Variants in TRPM3 observed in about 807,000 individuals in gnomAD.
The protein encoded by TRPM3 is long transient receptor potential channel 3.
Under a neutral mutation model 181.2 loss-of-function variants are expected in TRPM3, and 77 were observed. That is an observed-to-expected ratio of 0.42 (90% confidence interval 0.35 to 0.51). The LOEUF (loss-of-function observed/expected upper bound fraction) is 0.51. Among genes scored for constraint, TRPM3 ranks in the 20% least tolerant of loss-of-function variants. The probability of loss-of-function intolerance (pLI) is 0.01; values close to 1 mark genes in which losing one functional copy is unlikely to be tolerated. For synonymous variants in TRPM3, 745 were observed against 796.4 expected (o/e 0.94, Z 1.09); for missense variants, 1,759 against 2,196.7 (o/e 0.80, Z 3.98).
At position 71,021,687 on chromosome 9, in the gene TRPM3, A is replaced by C. The variant is rs980914707; in HGVS notation, c.177+99491T>G. On this transcript the variant is annotated intron_variant, in intron 1 of 25. Coordinates refer to ENST00000677713, the MANE Select transcript of TRPM3 (RefSeq NM_001366145.2). The stretch of plus-strand genomic sequence containing the variant: ...GGTATAAGACGAAATATTTGAGGTC[A>C]GATTTGGGGAAGCAGTAATGTCATA... 1.1e-4 allele frequency among the ~76,000 whole-genome samples: 16 copies of C among 152,306 alleles called. 1 individual carries two copies. The highest frequency in any genetic ancestry group is 3.8e-4 in the African/African-American group (16 of 41,586).
chr9:71,145,776 T>C (rs2075370496), intron 1 of TRPM3, among the ~76,000 whole-genome samples: 1 of 152,112 alleles, frequency 6.6e-6, no homozygotes, highest in Non-Finnish European at 1.5e-5. Flanking sequence ...GTAACTAAAA[T>C]TGTCTTTTAA....
intron 1 of TRPM3, among the ~76,000 whole-genome samples, chr9:71,256,326 G>A (rs951601426): frequency 6.6e-5 from 10 of 152,018 alleles, no homozygotes; most frequent in Admixed American, 3.3e-4. Flanking sequence ...TCTCGACAGT[G>A]GTGTGTTCAT....
chr9:71,270,551 T>A (rs978472038), intron 1 of TRPM3, among the ~76,000 whole-genome samples: 3 of 152,190 alleles, frequency 2.0e-5, no homozygotes, highest in Admixed American at 1.3e-4. Context: ...TAGAAACTGC[T>A]GCTTCCTTTA....
At chr9:71,029,586 A>C (rs1199266522) in intron 1 of TRPM3, among the ~76,000 whole-genome samples, 3 of 152,214 alleles carry the variant, frequency 2.0e-5, no homozygotes, top group Non-Finnish European at 4.4e-5. Context: ...AGGAAATACC[A>C]TGATAATGTA....
chr9:71,325,468 A>C (rs2132495434), intron 1 of TRPM3, among the ~76,000 whole-genome samples: 1 of 152,292 alleles, frequency 6.6e-6, no homozygotes, highest in Non-Finnish European at 1.5e-5. Context: ...AGGTGAAAAA[A>C]AAATTGAGGC....
At chr9:71,398,261 G>A (rs1407918889) in intron 1 of TRPM3, among the ~76,000 whole-genome samples, 1 of 152,092 alleles carries the variant, frequency 6.6e-6, no homozygotes, top group Non-Finnish European at 1.5e-5. Flanking sequence ...TCTTATCCCG[G>A]CTGCATATTT....
At chr9:71,013,365 A>G (rs973449540) in intron 1 of TRPM3, among the ~76,000 whole-genome samples, 5 of 152,036 alleles carry the variant, frequency 3.3e-5, no homozygotes, top group African/African-American at 2.4e-5. Context: ...AATTACATCT[A>G]TATATGAGAC....
At chr9:70,945,319 A>G (rs2096922434) in intron 1 of TRPM3, among the ~76,000 whole-genome samples, 1 of 152,232 alleles carries the variant, frequency 6.6e-6, no homozygotes, top group Non-Finnish European at 1.5e-5. Context: ...GCATACAGCC[A>G]GTCTCTTCTT....
intron 1 of TRPM3, among the ~76,000 whole-genome samples, chr9:71,242,962 G>T (rs548524742): frequency 6.6e-6 from 1 of 152,272 alleles, no homozygotes; most frequent in East Asian, 1.9e-4. Flanking sequence ...TGTAGCTGGG[G>T]TACATTGAAA....
chr9:71,110,381 A>G (rs988536993), intron 1 of TRPM3, among the ~76,000 whole-genome samples: 2 of 152,206 alleles, frequency 1.3e-5, no homozygotes, highest in African/African-American at 4.8e-5. Context: ...GACATTCGAC[A>G]ATTATATGTA....
intron 1 of TRPM3, among the ~76,000 whole-genome samples, chr9:71,267,423 C>T (rs927879685): frequency 6.6e-6 from 1 of 152,182 alleles, no homozygotes; most frequent in Non-Finnish European, 1.5e-5. Context: ...ATAGGGAGCA[C>T]TCAGCTCTGT....
chr9:71,278,804 G>C (rs924147060), intron 1 of TRPM3, among the ~76,000 whole-genome samples: 3 of 151,864 alleles, frequency 2.0e-5, no homozygotes, highest in African/African-American at 7.3e-5. Flanking sequence ...GACATATTGA[G>C]ATATCCATAT....
chr9:71,011,714 T>C (rs1475991248), intron 1 of TRPM3, among the ~76,000 whole-genome samples: 2 of 151,584 alleles, frequency 1.3e-5, no homozygotes, highest in African/African-American at 2.4e-5. Context: ...ATCTTGATTT[T>C]AAATAATAAT....
At chr9:71,247,867 A>C (rs1474776912) in intron 1 of TRPM3, among the ~76,000 whole-genome samples, 1 of 152,210 alleles carries the variant, frequency 6.6e-6, no homozygotes, top group East Asian at 1.9e-4. Context: ...CAGAGACTTA[A>C]ATTTATATTT....
At chr9:71,126,373 A>C (rs776511059), upstream of TRPM3, among the ~76,000 whole-genome samples, 1 of 152,198 alleles carries the variant, frequency 6.6e-6, no homozygotes, top group East Asian at 1.9e-4. Flanking sequence ...CATTTGTCTC[A>C]TGAACTTTAT....
intron 6 of TRPM3, among the ~76,000 whole-genome samples, chr9:70,821,979 T>C (rs1406866154): frequency 6.6e-6 from 1 of 152,222 alleles, no homozygotes; most frequent in African/African-American, 2.4e-5. Context: ...CCTAGTCTGT[T>C]CATTCTCCCA....
intron 6 of TRPM3, among the ~76,000 whole-genome samples, chr9:70,812,434 G>A (rs1049765088): frequency 2.0e-5 from 3 of 152,208 alleles, no homozygotes; most frequent in Non-Finnish European, 2.9e-5. Flanking sequence ...ATCACTTGAA[G>A]CACAGCCTCT....
intron 5 of TRPM3, among the ~76,000 whole-genome samples, chr9:70,836,579 C>T (rs1336210724): frequency 2.0e-5 from 3 of 152,144 alleles, no homozygotes; most frequent in Admixed American, 6.5e-5. Context: ...TGGCATTGCA[C>T]TTCACACTCT....
At chr9:71,228,965 G>C (rs1178613387) in intron 1 of TRPM3, among the ~76,000 whole-genome samples, 1 of 151,874 alleles carries the variant, frequency 6.6e-6, no homozygotes, top group African/African-American at 2.4e-5. Flanking sequence ...TAGAAAAAAA[G>C]ATCAAAAAAT....
Sources: allele counts gnomAD v4.1 joint callset (sites outside exome capture counted in the v4.1 genomes callset), GRCh38; gene constraint gnomAD v4.1.1; transcripts MANE v1.5; gene names NCBI Gene and HGNC (gene_info 2026-07-23, HGNC 2026-07-21).